The following PTPRD variants were observed in gnomAD, a reference collection of about 807,000 sequenced individuals.
PTPRD encodes protein tyrosine phosphatase receptor type D.
Under a neutral mutation model 214.5 loss-of-function variants are expected in PTPRD, and 34 were observed. The observed-to-expected ratio is 0.16, with a 90% CI of 0.12 to 0.21. PTPRD has a LOEUF of 0.21. Ranked by LOEUF, PTPRD falls within the 10% of genes least tolerant of loss-of-function variation. PTPRD has a pLI of 1.00. For synonymous variants in PTPRD, 1,128 were observed against 845.7 expected, an observed-to-expected ratio of 1.33 and a Z score of -5.79; for missense variants, 2,545 against 2,398.7, an observed-to-expected ratio of 1.06 and a Z score of -1.27.
At chr9:9,430,793 G>T (rs2082788312) in intron 8 of PTPRD, among the ~76,000 whole-genome samples, 1 of 152,108 alleles carries the variant, frequency 6.6e-6, no homozygotes, top group Non-Finnish European at 1.5e-5. Context: ...ACAAAAACAA[G>T]AAATGGGGAA....
rs12343223 is a variant in PTPRD, at chr9:9,505,857, A to G, written c.-237+68875T>C. Among the ~76,000 whole-genome samples, 88 of 151,636 alleles carry G rather than the reference A, an allele frequency of 5.8e-4. 1 individual carries two copies. Among genetic ancestry groups the G allele is most frequent in the African/African-American group, 1.6e-3 (68 of 41,502 alleles). ...TAACTACTTCGTTTTTCTTTCTAAC[A>G]TGGGACATTACAACACAACAATGGA... On this transcript the variant is annotated intron_variant, in intron 8 of 45. Coordinates refer to ENST00000381196, the MANE Select transcript of PTPRD (RefSeq NM_002839.4).
At chr9:9,610,403 CAATAAT>C (rs2094454831) in intron 7 of PTPRD, among the ~76,000 whole-genome samples, 1 of 152,138 alleles carries the variant, frequency 6.6e-6, no homozygotes, top group Non-Finnish European at 1.5e-5. Flanking sequence ...ACTAGCAAAG[CAATAAT>C]ATCAACGGAT....
intron 10 of PTPRD, among the ~76,000 whole-genome samples, chr9:9,133,447 C>A (rs2099845923): frequency 6.6e-6 from 1 of 151,924 alleles, no homozygotes; most frequent in Non-Finnish European, 1.5e-5. Flanking sequence ...ATAAGATGGT[C>A]AATTCATTTT....
Position 9,003,496 on chromosome 9 carries a change from C to T in PTPRD, c.-104+15201G>A, listed in dbSNP as rs139807290. Among the ~76,000 whole-genome samples, 637 of 152,060 alleles carry T rather than the reference C, an allele frequency of 4.2e-3. 8 individuals carry two copies. The highest frequency in any genetic ancestry group is 0.015 in the African/African-American group (615 of 41,492). On this transcript the variant is annotated intron_variant, in intron 11 of 45. Coordinates refer to ENST00000381196, the MANE Select transcript of PTPRD (RefSeq NM_002839.4). ...AATATGGTTTTAGAAATACAGACTCCAAGAGAGGTGAGCTAAGACATGACT... is the reference window on the plus strand; with the variant it reads ...AATATGGTTTTAGAAATACAGACTCTAAGAGAGGTGAGCTAAGACATGACT...
chr9:10,128,244 A>G (rs974993451), intron 3 of PTPRD, among the ~76,000 whole-genome samples: 1 of 152,168 alleles, frequency 6.6e-6, no homozygotes, highest in African/African-American at 2.4e-5. Flanking sequence ...AGCCTAACAC[A>G]CAATGGCTTA....
chr9:9,797,147 T>A (rs1229922482), intron 5 of PTPRD, among the ~76,000 whole-genome samples: 4 of 151,254 alleles, frequency 2.6e-5, no homozygotes, highest in Non-Finnish European at 4.4e-5. Context: ...AAGTATTTGG[T>A]ACAGAATTAG....
intron 12 of PTPRD, among the ~76,000 whole-genome samples, chr9:8,730,153 G>C (rs1021028647): frequency 6.6e-6 from 1 of 152,290 alleles, no homozygotes; most frequent in East Asian, 1.9e-4. Context: ...CTACTCCGGA[G>C]GCTGAGACAG....
Position 10,604,774 on chromosome 9 carries a change from A to G in PTPRD, c.-600+7624T>C, listed in dbSNP as rs550790008. On this transcript the variant is annotated intron_variant, in intron 2 of 45. Transcript: ENST00000381196. ...AGGTACCATAGATAAGTGTTAATTG[A>G]GAACTAATTGAATGTATTATATAAT... is the stretch of plus-strand genomic sequence containing the variant. Among the ~76,000 whole-genome samples the G allele has an allele frequency of 2.0e-5, 3 of 152,082 alleles. No homozygotes were observed. In the South Asian group the frequency reaches 6.2e-4, roughly 31 times the overall value.
intron 3 of PTPRD, among the ~76,000 whole-genome samples, chr9:10,259,338 A>C (rs1303203677): frequency 6.6e-6 from 1 of 152,010 alleles, no homozygotes. Flanking sequence ...TCTGTTTCTT[A>C]TGTGTAGTGA....
chr9:9,102,033 A>G (rs543684232), intron 10 of PTPRD, among the ~76,000 whole-genome samples: 1 of 152,218 alleles, frequency 6.6e-6, no homozygotes, highest in Non-Finnish European at 1.5e-5. Flanking sequence ...TCAAAAATGG[A>G]CCATCTGTCA....
intron 10 of PTPRD, among the ~76,000 whole-genome samples, chr9:9,026,833 T>G (rs1276434780): frequency 6.6e-6 from 1 of 151,806 alleles, no homozygotes; most frequent in East Asian, 1.9e-4. Context: ...GACCCCATTC[T>G]CCAAACCTCT....
intron 9 of PTPRD, among the ~76,000 whole-genome samples, chr9:9,245,112 G>C (rs997314626): frequency 2.6e-5 from 4 of 152,142 alleles, no homozygotes; most frequent in Non-Finnish European, 5.9e-5. Flanking sequence ...AGTTAGAATG[G>C]CAATCATTAA....
intron 5 of PTPRD, among the ~76,000 whole-genome samples, chr9:9,913,079 A>G (rs1185642819): frequency 2.0e-5 from 3 of 152,312 alleles, no homozygotes; most frequent in Admixed American, 2.0e-4. Flanking sequence ...GTGATCGATC[A>G]TAAATTTCCT....
chr9:8,565,381 A>G (rs1312575557), intron 14 of PTPRD, among the ~76,000 whole-genome samples: 1 of 152,222 alleles, frequency 6.6e-6, no homozygotes, highest in Non-Finnish European at 1.5e-5. Context: ...GAAATAAACT[A>G]TTAATTCACT....
intron 3 of PTPRD, among the ~76,000 whole-genome samples, chr9:10,305,060 T>A (rs1427218195): frequency 6.6e-6 from 1 of 152,018 alleles, no homozygotes. Flanking sequence ...AACAGATATA[T>A]ACACCCATGG....
rs1491445418 is a variant in PTPRD at position 10,047,337 on chromosome 9, T to TGTGTGTGTGTGTGTGTGC, written c.-544-13548_-544-13547insGCACACACACACACACAC. 9.1e-3 allele frequency among the ~76,000 whole-genome samples: 1,313 copies of TGTGTGTGTGTGTGTGTGC among 144,080 alleles called. 40 individuals are homozygous for TGTGTGTGTGTGTGTGTGC. The East Asian group carries it at 0.12, about 13-fold the overall frequency. 94.5% of individuals were successfully genotyped at this position (144,080 alleles called of 152,430 possible). A position where few individuals can be genotyped will look rare whatever the true frequency, so the allele number is the denominator to read the frequency against. ...CTGTGTGTGTGTGTGTGTGTGTGTG[T>TGTGTGTGTGTGTGTGTGC]GCGTGTGTGTGTGTGCTTGTGTGAT... On this transcript the variant is annotated intron_variant, in intron 3 of 45. Transcript: ENST00000381196.
intron 11 of PTPRD, among the ~76,000 whole-genome samples, chr9:8,823,826 G>A (rs1034199498): frequency 2.0e-5 from 3 of 152,156 alleles, no homozygotes; most frequent in East Asian, 1.9e-4. Context: ...CAAAGTGAAA[G>A]CAAGTTCATT....
At chr9:9,212,770 GT>G (rs1235939342) in intron 9 of PTPRD, among the ~76,000 whole-genome samples, 7 of 152,154 alleles carry the variant, frequency 4.6e-5, no homozygotes, top group African/African-American at 1.4e-4. Flanking sequence ...TGAGAGAACA[GT>G]TGGTGTGTCA....
intron 26 of PTPRD, among the ~76,000 whole-genome samples, chr9:8,496,209 C>A (rs867911806): frequency 1.9e-3 from 237 of 123,026 alleles, no homozygotes; most frequent in South Asian, 4.2e-3. Context: ...CACACACACA[C>A]AAACACACAC....
Sources: gnomAD v4.1 joint callset for allele counts (sites outside exome capture counted in the v4.1 genomes callset) on GRCh38, gnomAD v4.1.1 for gene constraint, MANE v1.5 for transcripts, NCBI Gene and HGNC (gene_info 2026-07-23, HGNC 2026-07-21) for gene names.